PSMD14: variants seen among roughly 807,000 people sequenced by gnomAD.
PSMD14 encodes ubiquitin C-terminal hydrolase PSMD14.
Under a neutral mutation model 41.2 loss-of-function variants are expected in PSMD14, and 7 were observed. That is an observed-to-expected ratio of 0.17 (90% CI 0.10 to 0.32). PSMD14 has a LOEUF of 0.32. PSMD14 is among the 10% of genes least tolerant of loss of function. PSMD14 has a pLI of 1.00. For synonymous variants in PSMD14, 114 were observed against 122.3 expected (o/e 0.93, Z 0.45); for missense variants, 139 against 375.6 (o/e 0.37, Z 5.21).
chr2:161,344,115 G>A (rs908376280), intron 3 of PSMD14, among the ~76,000 whole-genome samples: 2 of 145,324 alleles, frequency 1.4e-5, no homozygotes, highest in Non-Finnish European at 3.1e-5. Flanking sequence ...GACTTGGTGC[G>A]GGGGGGTGGG....
chr2:161,380,448 G>A (rs770887085), intron 7 of PSMD14, among the ~76,000 whole-genome samples: 40 of 151,900 alleles, frequency 2.6e-4, no homozygotes, highest in Non-Finnish European at 5.0e-4. Flanking sequence ...CAAAACTTGT[G>A]GATTTACTCT....
At chr2:161,387,489 A>G (rs992759631) in intron 8 of PSMD14, among the ~76,000 whole-genome samples, 1 of 151,946 alleles carries the variant, frequency 6.6e-6, no homozygotes, top group Non-Finnish European at 1.5e-5. Context: ...ATCAGCTCAC[A>G]TGCTGGTGGT....
chr2:161,342,161 G>C (rs1682973579), intron 3 of PSMD14, among the ~76,000 whole-genome samples: 1 of 152,112 alleles, frequency 6.6e-6, no homozygotes, highest in Admixed American at 6.5e-5. Flanking sequence ...GATCTGACTA[G>C]AACCTTTAAT....
intron 7 of PSMD14, among the ~76,000 whole-genome samples, chr2:161,379,957 T>TG (rs1683553569): frequency 6.6e-6 from 1 of 152,000 alleles, no homozygotes; most frequent in South Asian, 2.1e-4. Context: ...TGACCTGGTG[T>TG]GAATGCCCAG....
At chr2:161,371,535 G>A (rs1314597777) in intron 7 of PSMD14, among the ~76,000 whole-genome samples, 1 of 151,998 alleles carries the variant, frequency 6.6e-6, no homozygotes, top group African/African-American at 2.4e-5. Flanking sequence ...CACTTATTGT[G>A]TAATTTTCCT....
At chr2:161,374,874 A>G (rs1269001990) in intron 7 of PSMD14, among the ~76,000 whole-genome samples, 1 of 152,050 alleles carries the variant, frequency 6.6e-6, no homozygotes, top group African/African-American at 2.4e-5. Context: ...ATTAAAAAGC[A>G]TTACTGCTTT....
intron 3 of PSMD14, 28 bp downstream of exon 3, chr2:161,318,901 C>T: frequency 6.3e-7 from 1 of 1,589,342 alleles, no homozygotes; most frequent in East Asian, 2.2e-5. Context: ...TGAGCATTTC[C>T]TTGTGTGTAA....
At chr2:161,381,585 A>C (rs1574136646) in intron 7 of PSMD14, 3 of 151,932 alleles carry the variant, frequency 2.0e-5, no homozygotes, top group South Asian at 2.1e-4. Context: ...GGTGCTTTAC[A>C]AATTTAGTCT....
intron 3 of PSMD14, among the ~76,000 whole-genome samples, chr2:161,349,383 T>G (rs1263981405): frequency 6.6e-6 from 1 of 152,230 alleles, no homozygotes; most frequent in Non-Finnish European, 1.5e-5. Flanking sequence ...GAATGCCTGC[T>G]TGGCATGTTT....
chr2:161,320,087 T>C (rs1157819881), intron 3 of PSMD14, among the ~76,000 whole-genome samples: 1 of 152,182 alleles, frequency 6.6e-6, no homozygotes, highest in Non-Finnish European at 1.5e-5. Context: ...TCTAGAGAGC[T>C]TCTAGAATTT....
At chr2:161,370,005 C>G (rs1310783039) in intron 5 of PSMD14, 102 bp from the exon 6 acceptor site, 1 of 772,836 alleles carries the variant, frequency 1.3e-6, no homozygotes, top group Non-Finnish European at 2.0e-6. Flanking sequence ...ATGTAGGTAT[C>G]AAAACCTATA....
At chr2:161,369,543 C>A (rs896167149) in intron 5 of PSMD14, among the ~76,000 whole-genome samples, 1 of 151,980 alleles carries the variant, frequency 6.6e-6, no homozygotes, top group Non-Finnish European at 1.5e-5. Context: ...TCTTTAAGTA[C>A]ATTAGATTTA....
chr2:161,361,500 A>G (rs1358268830), intron 3 of PSMD14, among the ~76,000 whole-genome samples: 2 of 152,100 alleles, frequency 1.3e-5, no homozygotes, highest in South Asian at 2.1e-4. Context: ...TAGAAAATGG[A>G]AAACTTTGTA....
intron 5 of PSMD14, among the ~76,000 whole-genome samples, chr2:161,369,330 A>G (rs1441388183): frequency 1.3e-5 from 2 of 152,046 alleles, no homozygotes; most frequent in South Asian, 2.1e-4. Context: ...CTATAAAGAC[A>G]TATGTCTCTG....
At chr2:161,394,836 A>C (rs1683769396) in intron 9 of PSMD14, among the ~76,000 whole-genome samples, 2 of 152,182 alleles carry the variant, frequency 1.3e-5, no homozygotes, top group African/African-American at 4.8e-5. Flanking sequence ...AAGGTAAGTT[A>C]TGCAAAGATG....
chr2:161,376,730 T>G (rs1683508200), intron 7 of PSMD14, among the ~76,000 whole-genome samples: 1 of 151,944 alleles, frequency 6.6e-6, no homozygotes, highest in Non-Finnish European at 1.5e-5. Flanking sequence ...ACTTAACCAT[T>G]TTGTATTTTA....
chr2:161,408,508 G>C (rs896083119), intron 10 of PSMD14: 1 of 301,068 alleles, frequency 3.3e-6, no homozygotes, highest in South Asian at 3.3e-5. Context: ...CCACAGTGCC[G>C]TAAGTGCCAC....
intron 2 of PSMD14, among the ~76,000 whole-genome samples, chr2:161,316,809 C>G (rs577537241): frequency 2.6e-5 from 4 of 152,210 alleles, no homozygotes; most frequent in African/African-American, 9.6e-5. Context: ...TTCCTCTTTG[C>G]TGTGATATCT....
At chr2:161,394,767 G>A (rs1212122669) in intron 9 of PSMD14, among the ~76,000 whole-genome samples, 1 of 152,138 alleles carries the variant, frequency 6.6e-6, no homozygotes, top group African/African-American at 2.4e-5. Flanking sequence ...AGGTAGTGTA[G>A]TGTGACTATT....
Sources: gnomAD v4.1 joint callset for allele counts (sites outside exome capture counted in the v4.1 genomes callset) on GRCh38, gnomAD v4.1.1 for gene constraint, MANE v1.5 for transcripts, NCBI Gene and HGNC (gene_info 2026-07-23, HGNC 2026-07-21) for gene names.